Variants in COPA observed in about 807,000 individuals in gnomAD.
COPA encodes coatomer subunit alpha.
In COPA, 10 loss-of-function variants were observed where a neutral mutation model predicts 158.7. The ratio of observed to expected loss-of-function variants is 0.06; its 90% CI spans 0.04 to 0.11. COPA has a LOEUF of 0.11. Ranked by LOEUF, COPA falls within the 10% of genes least tolerant of loss-of-function variation. The pLI, the probability that COPA is intolerant of heterozygous loss-of-function variation, is 1.00. For missense variants in COPA, 1,065 were observed against 1,536.7 expected (o/e 0.69, Z 5.13); for synonymous variants, 462 against 542.8 (o/e 0.85, Z 2.07).
intron 13 of COPA, among the ~76,000 whole-genome samples, chr1:160,308,620 C>T (rs1390588376): frequency 3.9e-5 from 6 of 152,194 alleles, no homozygotes; most frequent in Non-Finnish European, 7.4e-5. Flanking sequence ...AAGAGGTAGG[C>T]AGGAGTCTCA....
At chr1:160,299,062 T>G (rs1043695810) in intron 18 of COPA, 40 bp downstream of exon 18, 6 of 1,606,338 alleles carry the variant, frequency 3.7e-6, no homozygotes, top group Middle Eastern at 1.7e-4. Flanking sequence ...AAAAGAGTGC[T>G]GCCTCTCTTA....
intron 17 of COPA, among the ~76,000 whole-genome samples, chr1:160,304,159 C>T (rs1437527053): frequency 6.6e-6 from 1 of 151,578 alleles, no homozygotes; most frequent in Non-Finnish European, 1.5e-5. Flanking sequence ...GGATTACAGG[C>T]ACCACCACCA....
chr1:160,292,496 G>A lies in COPA; in HGVS notation c.2948C>T (p.Pro983Leu), dbSNP rs1455972014. Residue 983 changes from proline to leucine, a missense_variant, in exon 28 of 33, where the codon CCT (proline) becomes CTT (leucine). Coordinates refer to ENST00000241704, the MANE Select transcript of COPA (RefSeq NM_004371.4). ...LPCLPSMYGY[P>L]NRNWKDAGLK... ...AAAAGGGCCTTACCAGTTGCGATTA[G>A]GATAGCCATACATGGAGGGTAGGCA... 2 of 1,613,462 alleles carry A rather than the reference G, an allele frequency of 1.2e-6. No individual in the cohort carries two copies. The highest frequency in any genetic ancestry group is 2.2e-5 in the South Asian group (2 of 91,044).
intron 8 of COPA, among the ~76,000 whole-genome samples, chr1:160,315,887 A>T (rs774463139): frequency 3.7e-4 from 56 of 152,222 alleles, no homozygotes; most frequent in Non-Finnish European, 6.3e-4. Flanking sequence ...GCTGAAAAAC[A>T]ATTAAGAAAT....
At chr1:160,290,369 T>A in intron 32 of COPA, 123 bp downstream of exon 32, 1 of 1,380,432 alleles carries the variant, frequency 7.2e-7, no homozygotes, top group Non-Finnish European at 1.0e-6. Context: ...GCTCTAGCTT[T>A]CTCCAGTGTC....
chr1:160,332,636 T>C, intron 5 of COPA, 79 bp from the exon 6 acceptor site: 1 of 964,084 alleles, frequency 1.0e-6, no homozygotes. Flanking sequence ...TTCTCCATAT[T>C]CAATAAATGC....
At chr1:160,302,855 G>A (rs909080273) in intron 17 of COPA, among the ~76,000 whole-genome samples, 8 of 151,930 alleles carry the variant, frequency 5.3e-5, no homozygotes, top group African/African-American at 1.2e-4. Context: ...TGCTGGGCCC[G>A]GAATTTCACA....
intron 17 of COPA, 53 bp downstream of exon 17, chr1:160,305,380 G>T: frequency 6.4e-7 from 1 of 1,572,148 alleles, no homozygotes; most frequent in Non-Finnish European, 8.7e-7. Context: ...AGACAAGACA[G>T]TGATTTCAGG....
chr1:160,288,753 T>C lies in COPA; in HGVS notation c.*1404A>G, dbSNP rs1020481070. ...TATTGTTAATGTAATCATTGTATCA[T>C]TGTAATATATATAAAGTACTATTCT... is the stretch of plus-strand genomic sequence containing the variant. On this transcript the variant is annotated 3_prime_UTR_variant, in exon 33 of 33. Coordinates refer to ENST00000241704, the MANE Select transcript of COPA (RefSeq NM_004371.4). Among the ~76,000 whole-genome samples, 3 of 152,210 alleles carry C rather than the reference T, an allele frequency of 2.0e-5. No homozygotes were observed. Among genetic ancestry groups the C allele is most frequent in the Non-Finnish European group, 2.9e-5 (2 of 68,026 alleles).
Position 160,314,056 on chromosome 1 carries a change from G to T in COPA, c.776C>A (p.Pro259His). The T allele has an allele frequency of 6.2e-7, 1 of 1,613,652 alleles. No individual in the cohort carries two copies. Among genetic ancestry groups the T allele is most frequent in the African/African-American group, 1.3e-5 (1 of 74,950 alleles). ...YNNVSCAVFH[P>H]RQELILSNSE... ...ATTGCTGAGGATCAACTCTTGGCGAGGGTGGAAGACGGCACAAGATACATT... is the reference window on the plus strand; with the variant it reads ...ATTGCTGAGGATCAACTCTTGGCGATGGTGGAAGACGGCACAAGATACATT... Residue 259 changes from proline to histidine, a missense_variant, in exon 9 of 33, where the codon CCT (proline) becomes CAT (histidine). By Grantham distance (77) the Pro-to-His change is moderately conservative. Coordinates refer to ENST00000241704, the MANE Select transcript of COPA (RefSeq NM_004371.4).
intron 8 of COPA, among the ~76,000 whole-genome samples, chr1:160,317,026 T>C (rs1439249421): frequency 6.6e-6 from 1 of 152,064 alleles, no homozygotes; most frequent in African/African-American, 2.4e-5. Flanking sequence ...CTCCAATTTG[T>C]CTGGCAATAG....
chr1:160,335,546 A>G lies in COPA; in HGVS notation c.229-224T>C, dbSNP rs545760863. ...TGAAAATATAGGTCAGATAAACAAC[A>G]TGGGGTTGGGGTAGGATTAGGGAAA... On this transcript the variant is annotated intron_variant, in intron 3 of 32. Coordinates refer to ENST00000241704, the MANE Select transcript of COPA (RefSeq NM_004371.4). 5.9e-5 allele frequency among the ~76,000 whole-genome samples: 9 copies of G among 152,202 alleles called. No individual in the cohort carries two copies. In the South Asian group the frequency reaches 1.9e-3, roughly 32 times the overall value.
At chr1:160,332,204 T>C (rs1322118492) in intron 6 of COPA, among the ~76,000 whole-genome samples, 1 of 152,222 alleles carries the variant, frequency 6.6e-6, no homozygotes, top group African/African-American at 2.4e-5. Context: ...CAAAAGCTGA[T>C]GTAACTAGAA....
chr1:160,317,649 GGAA>G (rs1241241473), intron 8 of COPA: 10 of 1,522,992 alleles, frequency 6.6e-6, no homozygotes, highest in Middle Eastern at 2.3e-4. Context: ...TGGGAATGGA[GGAA>G]GAAGATGTGA....
intron 10 of COPA, 38 bp downstream of exon 10, chr1:160,313,047 G>C: frequency 6.4e-7 from 1 of 1,569,992 alleles, no homozygotes; most frequent in South Asian, 1.1e-5. Context: ...TATAAACTTT[G>C]AATTAAGCAA....
chr1:160,317,568 C>T (rs878929464), intron 8 of COPA: 27 of 1,597,936 alleles, frequency 1.7e-5, no homozygotes, highest in African/African-American at 2.7e-5. Context: ...AAAGACAGGG[C>T]GTTCCAATGA....
At chr1:160,321,859 T>A (rs1249534497) in intron 8 of COPA, among the ~76,000 whole-genome samples, 2 of 151,888 alleles carry the variant, frequency 1.3e-5, no homozygotes. Flanking sequence ...CCATTTATAG[T>A]AACTACAAAA....
At chr1:160,319,415 G>A (rs1173646245) in intron 8 of COPA, among the ~76,000 whole-genome samples, 2 of 151,038 alleles carry the variant, frequency 1.3e-5, no homozygotes, top group African/African-American at 2.4e-5. Flanking sequence ...AAAAGGAGAG[G>A]TAGACTACAA....
intron 8 of COPA, among the ~76,000 whole-genome samples, chr1:160,315,228 C>G (rs1163985972): frequency 6.6e-6 from 1 of 152,208 alleles, no homozygotes; most frequent in African/African-American, 2.4e-5. Context: ...AACTACCTTC[C>G]CCATCTTCCT....
Sources: allele counts gnomAD v4.1 joint callset (sites outside exome capture counted in the v4.1 genomes callset), GRCh38; gene constraint gnomAD v4.1.1; transcripts MANE v1.5; gene names NCBI Gene and HGNC (gene_info 2026-07-23, HGNC 2026-07-21).